KALRN: variants seen among roughly 807,000 people sequenced by gnomAD.
KALRN encodes kalirin RhoGEF kinase.
KALRN carries 70 observed loss-of-function variants against 353.7 expected under a neutral mutation model. That is an observed-to-expected ratio of 0.20 (90% CI 0.16 to 0.24). KALRN has a LOEUF of 0.24. Ranked by LOEUF, KALRN falls within the 10% of genes least tolerant of loss-of-function variation. The pLI is 1.00. For missense variants in KALRN, 2,791 were observed against 3,756.7 expected, an observed-to-expected ratio of 0.74 and a Z score of 6.72; for synonymous variants, 1,391 against 1,434.8, an observed-to-expected ratio of 0.97 and a Z score of 0.69.
At chr3:124,686,876 A>G (rs3772793) in intron 51 of KALRN, among the ~76,000 whole-genome samples, 23,648 of 129,310 alleles carry the variant, frequency 0.18, 2,366 homozygotes, top group Middle Eastern at 0.38. Flanking sequence ...GTGCAGTGGC[A>G]TGATCTCGGC....
intron 14 of KALRN, among the ~76,000 whole-genome samples, chr3:124,417,640 T>C (rs1477032393): frequency 6.6e-6 from 1 of 152,222 alleles, no homozygotes; most frequent in Non-Finnish European, 1.5e-5. Context: ...GGATCACTCT[T>C]CTCCTTGAGC....
chr3:124,549,922 G>A (rs1052566430), intron 33 of KALRN, among the ~76,000 whole-genome samples: 3 of 152,128 alleles, frequency 2.0e-5, no homozygotes, highest in Admixed American at 6.6e-5. Context: ...ACACAGACAA[G>A]TAGTGGAAGC....
chr3:124,470,979 C>T (rs2107908580), intron 25 of KALRN, among the ~76,000 whole-genome samples: 1 of 152,280 alleles, frequency 6.6e-6, no homozygotes, highest in East Asian at 1.9e-4. Context: ...TACATAATAA[C>T]CAATCAAGAT....
chr3:124,717,489 A>G lies in KALRN; in HGVS notation c.8415+104A>G, dbSNP rs2063193493. On this transcript the variant is annotated intron_variant, in intron 59 of 59. Transcript: ENST00000682506. Reference sequence around the variant, plus strand: ...ATCACAAGGTCAGGAGATCGAGACCATCCTGGCTGACACGGTGAAACCCCG... The same window carrying G: ...ATCACAAGGTCAGGAGATCGAGACCGTCCTGGCTGACACGGTGAAACCCCG... 4 of 677,144 alleles carry G rather than the reference A, an allele frequency of 5.9e-6. No homozygotes were observed. The South Asian group carries it at 1.1e-4, about 19-fold the overall frequency. The allele number at this position is 677,144 out of a possible 1,614,324, so 41.9% of individuals were successfully genotyped here.
At chr3:124,446,358 G>A in intron 20 of KALRN, 82 bp downstream of exon 20, 1 of 977,752 alleles carries the variant, frequency 1.0e-6, no homozygotes, top group Non-Finnish European at 1.6e-6. Context: ...CCAGAAGAGG[G>A]CCACAGCAGC....
intron 6 of KALRN, among the ~76,000 whole-genome samples, chr3:124,304,983 AC>A (rs1462514361): frequency 5.9e-5 from 9 of 151,946 alleles, no homozygotes; most frequent in Admixed American, 5.9e-4. Flanking sequence ...GGCCCCAATC[AC>A]CCTTAGGCAG....
At chr3:124,166,909 G>T (rs2070950793) in intron 1 of KALRN, among the ~76,000 whole-genome samples, 1 of 152,020 alleles carries the variant, frequency 6.6e-6, no homozygotes, top group Non-Finnish European at 1.5e-5. Context: ...GCCAGTCCTG[G>T]TGGTATGTGC....
intron 34 of KALRN, among the ~76,000 whole-genome samples, chr3:124,623,373 G>GAGAT (rs1554055159): frequency 6.2e-4 from 90 of 144,892 alleles, no homozygotes; most frequent in Non-Finnish European, 9.9e-4. Flanking sequence ...ACTAATAGGA[G>GAGAT]ATATATATAT....
intron 49 of KALRN, among the ~76,000 whole-genome samples, chr3:124,676,888 G>T (rs2087254632): frequency 6.6e-6 from 1 of 152,214 alleles, no homozygotes; most frequent in African/African-American, 2.4e-5. Flanking sequence ...GGACAGTAGA[G>T]AGCCTGACTA....
chr3:124,669,596 G>A (rs2086126442), intron 47 of KALRN, among the ~76,000 whole-genome samples: 1 of 152,104 alleles, frequency 6.6e-6, no homozygotes, highest in Non-Finnish European at 1.5e-5. Flanking sequence ...TTAGAACTTG[G>A]AACTGTATTT....
Position 124,662,170 on chromosome 3 carries a change from G to A in KALRN, c.6345+242G>A, listed in dbSNP as rs376552666. Among the ~76,000 whole-genome samples the A allele has an allele frequency of 1.1e-4, 16 of 150,222 alleles. No individual in the cohort carries two copies. In the East Asian group the frequency reaches 2.0e-3, roughly 18 times the overall value. ...AGCCAAACCAAAGTCAGAATTCCAA[G>A]GAGATTGGAAAGACCCAGAATTCTT... On this transcript the variant is annotated intron_variant, in intron 45 of 59. Coordinates refer to ENST00000682506, the MANE Select transcript of KALRN (RefSeq NM_001388419.1).
At chr3:124,529,488 G>A (rs1439323914) in intron 33 of KALRN, among the ~76,000 whole-genome samples, 1 of 152,052 alleles carries the variant, frequency 6.6e-6, no homozygotes, top group Non-Finnish European at 1.5e-5. Flanking sequence ...AGAATCGAGG[G>A]CCAGGGTCGT....
At chr3:124,553,614 C>G (rs2070818408) in intron 33 of KALRN, among the ~76,000 whole-genome samples, 1 of 152,222 alleles carries the variant, frequency 6.6e-6, no homozygotes, top group Admixed American at 6.5e-5. Flanking sequence ...CCAGCCACCT[C>G]TCCTCCCTCT....
intron 5 of KALRN, among the ~76,000 whole-genome samples, chr3:124,288,312 A>G (rs2149114002): frequency 6.6e-6 from 1 of 152,374 alleles, no homozygotes; most frequent in East Asian, 1.9e-4. Context: ...CAAGAAAGGC[A>G]TCAGGAGGAG....
At chr3:124,469,014 A>T (rs941370595) in intron 25 of KALRN, among the ~76,000 whole-genome samples, 2 of 152,212 alleles carry the variant, frequency 1.3e-5, no homozygotes, top group Admixed American at 1.3e-4. Flanking sequence ...TTACACACTA[A>T]CTTCTTAGCA....
intron 1 of KALRN, among the ~76,000 whole-genome samples, chr3:124,194,483 G>A (rs2075243849): frequency 6.6e-6 from 1 of 152,058 alleles, no homozygotes; most frequent in African/African-American, 2.4e-5. Flanking sequence ...ACTACCTACT[G>A]CATGGAATGA....
chr3:124,699,014 C>T (rs929852417), intron 55 of KALRN, among the ~76,000 whole-genome samples: 3 of 152,188 alleles, frequency 2.0e-5, no homozygotes, highest in African/African-American at 7.2e-5. Context: ...AAAGCAAGTG[C>T]TTGCTACCCT....
chr3:124,529,620 G>A (rs2109124601), intron 33 of KALRN, among the ~76,000 whole-genome samples: 1 of 152,214 alleles, frequency 6.6e-6, no homozygotes, highest in Non-Finnish European at 1.5e-5. Context: ...CAGGTGCACA[G>A]CCAGATGTGG....
At chr3:124,682,041 A>G (rs146545913) in intron 51 of KALRN, among the ~76,000 whole-genome samples, 4 of 152,334 alleles carry the variant, frequency 2.6e-5, no homozygotes, top group African/African-American at 7.2e-5. Flanking sequence ...GTATTTTCAG[A>G]TGCAAATAAA....
Sources: gnomAD v4.1 joint callset for allele counts (sites outside exome capture counted in the v4.1 genomes callset) on GRCh38, gnomAD v4.1.1 for gene constraint, MANE v1.5 for transcripts, NCBI Gene and HGNC (gene_info 2026-07-23, HGNC 2026-07-21) for gene names.